The following KCNQ1 variants were observed in gnomAD, a reference collection of about 807,000 sequenced individuals.
The protein encoded by KCNQ1 is potassium voltage-gated channel subfamily Q member 1.
A neutral mutation model predicts 72.4 loss-of-function variants in KCNQ1; 49 were observed. The ratio of observed to expected loss-of-function variants is 0.68; its 90% CI spans 0.54 to 0.86. KCNQ1 has a LOEUF of 0.86. KCNQ1 is among the 40% of genes least tolerant of loss of function. The pLI is 0.00. For synonymous variants in KCNQ1, 450 were observed against 412.6 expected (o/e 1.09, Z -1.10); for missense variants, 790 against 945.1 (o/e 0.84, Z 2.15).
At chr11:2,686,988 C>T (rs1422973037) in intron 11 of KCNQ1, 2 of 398,496 alleles carry the variant, frequency 5.0e-6, no homozygotes, top group Non-Finnish European at 8.8e-6. Context: ...CAACACTGGG[C>T]CCTGACTTGC....
chr11:2,737,977 G>A (rs1352686699), intron 11 of KCNQ1, among the ~76,000 whole-genome samples: 1 of 152,146 alleles, frequency 6.6e-6, no homozygotes, highest in African/African-American at 2.4e-5. Flanking sequence ...TCCATTTCCT[G>A]CTCCAGGCAG....
chr11:2,699,799 C>T (rs1290467634), intron 11 of KCNQ1: 1 of 397,360 alleles, frequency 2.5e-6, no homozygotes, highest in Non-Finnish European at 4.4e-6. Context: ...CCGAGGGGCG[C>T]GCCGGGGAGA....
chr11:2,560,203 G>T (rs1465371932), intron 2 of KCNQ1, among the ~76,000 whole-genome samples: 2 of 107,604 alleles, frequency 1.9e-5, no homozygotes, highest in African/African-American at 3.6e-5. Context: ...CATCCATCCT[G>T]GGGGGACGGA....
At chr11:2,480,931 G>A (rs1846641127) in intron 1 of KCNQ1, among the ~76,000 whole-genome samples, 1 of 152,208 alleles carries the variant, frequency 6.6e-6, no homozygotes. Context: ...GATGGAGCAG[G>A]ACGGGGGCAG....
intron 10 of KCNQ1, chr11:2,610,716 CTTTTTTTTTTTTTT>C (rs1167505141): frequency 1.9e-4 from 43 of 230,022 alleles, no homozygotes; most frequent in Middle Eastern, 9.2e-4. Flanking sequence ...TCTTGGTTGG[CTTTTTTTTTTTTTT>C]TTTTTTTTTT....
At chr11:2,763,142 A>T (rs1434821341) in intron 11 of KCNQ1, among the ~76,000 whole-genome samples, 1 of 152,264 alleles carries the variant, frequency 6.6e-6, no homozygotes, top group Non-Finnish European at 1.5e-5. Context: ...CAGAAAATTA[A>T]CATCTTATAA....
Position 2,670,434 on chromosome 11 carries a change from T to G in KCNQ1, c.1514+8353T>G. 2.5e-6 allele frequency: 1 copy of G among 397,850 alleles called. No individual in the cohort carries two copies. The highest frequency in any genetic ancestry group is 1.3e-4 in the South Asian group (1 of 7,814). 24.6% of individuals were successfully genotyped at this position (397,850 alleles called of 1,614,324 possible). A position where few individuals can be genotyped will look rare whatever the true frequency, so the allele number is the denominator to read the frequency against. ...TTCTTGTGTTGGGGTTAGGAGATAC[T>G]GCTGTTGGCTGAGACACACAGCCCA... On this transcript the variant is annotated intron_variant, in intron 11 of 15. Coordinates refer to ENST00000155840, the MANE Select transcript of KCNQ1 (RefSeq NM_000218.3). The surrounding 1 kb of genome is among the most constrained non-coding windows in gnomAD (Gnocchi z 4.9).
At chr11:2,774,618 ACTCCACCAAGC>A (rs1454590794) in intron 12 of KCNQ1, among the ~76,000 whole-genome samples, 2 of 151,740 alleles carry the variant, frequency 1.3e-5, no homozygotes, top group Admixed American at 1.3e-4. Flanking sequence ...GGCTGTAAGA[ACTCCACCAAGC>A]CTCCGGCATT....
At chr11:2,584,906 C>G (rs1848570374) in intron 7 of KCNQ1, among the ~76,000 whole-genome samples, 1 of 152,172 alleles carries the variant, frequency 6.6e-6, no homozygotes, top group Non-Finnish European at 1.5e-5. Flanking sequence ...CAGTATGACC[C>G]CTTCCTGGGC....
chr11:2,565,751 C>T lies in KCNQ1; in HGVS notation c.478-4877C>T, dbSNP rs1848238082. ...TGGAGTGCAGTGGCATCAGCCAAGG[C>T]TCCGAGGCGTTTCTTCCCACTTCAC... On this transcript the variant is annotated intron_variant, in intron 2 of 15. Transcript: ENST00000155840. The surrounding 1 kb of genome is among the most constrained non-coding windows in gnomAD (Gnocchi z 5.6). Among the ~76,000 whole-genome samples, 1 of 152,218 alleles carries T rather than the reference C, an allele frequency of 6.6e-6. No individual in the cohort carries two copies. Among genetic ancestry groups the T allele is most frequent in the African/African-American group, 2.4e-5 (1 of 41,454 alleles).
intron 10 of KCNQ1, chr11:2,640,709 T>G (rs1407240903): frequency 7.5e-6 from 3 of 398,484 alleles, no homozygotes; most frequent in Non-Finnish European, 1.3e-5. Context: ...GTCCTCTTTT[T>G]TATTTTGAAA....
intron 10 of KCNQ1, chr11:2,640,815 C>G (rs1849564039): frequency 5.0e-6 from 2 of 398,786 alleles, no homozygotes; most frequent in Non-Finnish European, 8.8e-6. Flanking sequence ...ACTAACCAAC[C>G]TCTCTTCACC....
chr11:2,639,490 T>C (rs1021534974), intron 10 of KCNQ1: 4 of 152,394 alleles, frequency 2.6e-5, no homozygotes, highest in Non-Finnish European at 4.4e-5. Context: ...CAGACCCTGT[T>C]TGCCTGGGTA....
In KCNQ1 at chr11:2,627,819, C is replaced by T; in HGVS notation, c.1394-34142C>T. 1 of 398,414 alleles carries T rather than the reference C, an allele frequency of 2.5e-6. No individual in the cohort carries two copies. The highest frequency in any genetic ancestry group is 4.4e-6 in the Non-Finnish European group (1 of 226,084). 24.7% of individuals were successfully genotyped at this position (398,414 alleles called of 1,614,324 possible). Reference sequence around the variant, plus strand: ...AGGCAGGAGTACAGTGGCACAATCACAGTTCACTGTAGCCTCAACCTCATG... The same window carrying T: ...AGGCAGGAGTACAGTGGCACAATCATAGTTCACTGTAGCCTCAACCTCATG... On this transcript the variant is annotated intron_variant, in intron 10 of 15. Coordinates refer to ENST00000155840, the MANE Select transcript of KCNQ1 (RefSeq NM_000218.3). The surrounding 1 kb of genome is among the most constrained non-coding windows in gnomAD (Gnocchi z 4.9).
rs923624541 is a variant in KCNQ1 at position 2,565,895 on chromosome 11, G to A, written c.478-4733G>A. On this transcript the variant is annotated intron_variant, in intron 2 of 15. Coordinates refer to ENST00000155840, the MANE Select transcript of KCNQ1 (RefSeq NM_000218.3). The surrounding 1 kb of genome is among the most constrained non-coding windows in gnomAD (Gnocchi z 5.6). Reference sequence around the variant, plus strand: ...CTTCACTGGGTCTGGAGGAAGGAGGGTGCTGTGGTCCTGGTGGCTCTTGTG... The same window carrying A: ...CTTCACTGGGTCTGGAGGAAGGAGGATGCTGTGGTCCTGGTGGCTCTTGTG... Among the ~76,000 whole-genome samples the A allele has an allele frequency of 6.6e-6, 1 of 152,196 alleles. No homozygotes were observed. Among genetic ancestry groups the A allele is most frequent in the Non-Finnish European group, 1.5e-5 (1 of 68,024 alleles).
intron 15 of KCNQ1, among the ~76,000 whole-genome samples, chr11:2,796,315 G>T (rs957135556): frequency 6.6e-6 from 1 of 152,186 alleles, no homozygotes; most frequent in African/African-American, 2.4e-5. Flanking sequence ...ATCACCGCCT[G>T]GCTAAGGCCA....
chr11:2,521,624 G>T (rs1187448523), intron 1 of KCNQ1: 10 of 448,966 alleles, frequency 2.2e-5, no homozygotes, highest in Non-Finnish European at 4.3e-5. Flanking sequence ...CACCCCTTGA[G>T]CTGCCCACGT....
chr11:2,696,770 G>A (rs989470856), intron 11 of KCNQ1: 7 of 398,392 alleles, frequency 1.8e-5, no homozygotes, highest in South Asian at 2.5e-4. Flanking sequence ...AAAAGTCGTC[G>A]TCTTTGTTAA....
chr11:2,632,790 A>G (rs1317549614), intron 10 of KCNQ1: 3 of 398,446 alleles, frequency 7.5e-6, no homozygotes, highest in Non-Finnish European at 1.3e-5. Context: ...TCCATTGTGT[A>G]TACATACCAC....
Sources: allele counts gnomAD v4.1 joint callset (sites outside exome capture counted in the v4.1 genomes callset), GRCh38; gene constraint gnomAD v4.1.1; non-coding constraint Gnocchi (gnomAD v3.1); transcripts MANE v1.5; gene names NCBI Gene and HGNC (gene_info 2026-07-23, HGNC 2026-07-21).